The following ZNF33A variants were observed in gnomAD, a reference collection of about 807,000 sequenced individuals.
ZNF33A encodes the protein brain my041 protein.
ZNF33A carries 9 observed loss-of-function variants against 15.9 expected under a neutral mutation model. That is an observed-to-expected ratio of 0.57 (90% CI 0.34 to 0.99). ZNF33A has a LOEUF of 0.99. Ranked by LOEUF, ZNF33A falls within the 50% of genes least tolerant of loss-of-function variation. The probability of loss-of-function intolerance (pLI) is 0.02; values close to 1 mark genes in which losing one functional copy is unlikely to be tolerated. For missense variants in ZNF33A, 843 were observed against 941.6 expected, an observed-to-expected ratio of 0.90 and a Z score of 1.37; for synonymous variants, 294 against 324.2, an observed-to-expected ratio of 0.91 and a Z score of 1.00.
intron 1 of ZNF33A, 73 bp from the exon 2 acceptor site, chr10:38,012,225 T>C (rs2064217576): frequency 6.6e-7 from 1 of 1,518,016 alleles, no homozygotes; most frequent in Admixed American, 1.9e-5. Flanking sequence ...TATGGCTTCT[T>C]AGGGCGGAAG....
intron 4 of ZNF33A, among the ~76,000 whole-genome samples, chr10:38,042,712 A>T (rs374325845): frequency 2.6e-5 from 4 of 152,198 alleles, no homozygotes; most frequent in African/African-American, 9.6e-5. Context: ...CACTGTGCCC[A>T]GCTTATTAAA....
rs1441466654 is a variant in ZNF33A at position 38,026,420 on chromosome 10, C to T, written c.250+9034C>T. 5.3e-5 allele frequency among the ~76,000 whole-genome samples: 8 copies of T among 152,270 alleles called. No homozygotes were observed. In the South Asian group the frequency reaches 8.3e-4, roughly 16 times the overall value. On this transcript the variant is annotated intron_variant, in intron 4 of 4. Coordinates refer to ENST00000432900, the MANE Select transcript of ZNF33A (RefSeq NM_006954.2). The stretch of plus-strand genomic sequence containing the variant: ...TGCGATCTCGGCTCACCACAACCTC[C>T]GCCTCCTGGGTTCAAGTGATTCTTC...
intron 4 of ZNF33A, among the ~76,000 whole-genome samples, chr10:38,053,415 CTCT>C (rs559587651): frequency 5.3e-4 from 80 of 152,126 alleles, no homozygotes; most frequent in Admixed American, 2.2e-3. Context: ...TTCCAGTATC[CTCT>C]TCTTCTTATA....
chr10:38,044,122 T>C (rs560405668), intron 4 of ZNF33A: 14 of 152,128 alleles, frequency 9.2e-5, no homozygotes, highest in Admixed American at 2.6e-4. Context: ...TATTTCTCTC[T>C]GTTCTTTAGA....
chr10:38,064,217 T>C (rs922870679), downstream of ZNF33A: 1 of 1,122,038 alleles, frequency 8.9e-7, no homozygotes, highest in Non-Finnish European at 1.3e-6. Context: ...TCCCACAAGA[T>C]GGGGATGGTG....
intron 4 of ZNF33A, among the ~76,000 whole-genome samples, chr10:38,026,485 C>T (rs534637319): frequency 3.3e-5 from 5 of 152,138 alleles, no homozygotes; most frequent in Admixed American, 2.6e-4. Flanking sequence ...CAGGCACATG[C>T]CACCATGCCT....
intron 4 of ZNF33A, among the ~76,000 whole-genome samples, chr10:38,046,147 A>G (rs1349212204): frequency 6.6e-5 from 10 of 152,142 alleles, no homozygotes; most frequent in Non-Finnish European, 1.2e-4. Flanking sequence ...CTTTTCTAGA[A>G]TTTGAAGCTG....
rs894729990 is a variant in ZNF33A, at chr10:38,015,911, G to A, written c.10-960G>A. The A allele has an allele frequency of 7.9e-6, 8 of 1,007,180 alleles. No homozygotes were observed. In the African/African-American group the frequency reaches 1.3e-4, roughly 17 times the overall value. The allele number at this position is 1,007,180 out of a possible 1,614,324, so 62.4% of individuals were successfully genotyped here. On this transcript the variant is annotated intron_variant, in intron 2 of 4. Transcript: ENST00000432900. ...GAATTGGTTCTGTAAACGAAACCTG[G>A]TCCTGTAATTTCAGTATATGCTCAT...
At chr10:38,014,248 C>T (rs1236539928) in intron 2 of ZNF33A, among the ~76,000 whole-genome samples, 1 of 151,976 alleles carries the variant, frequency 6.6e-6, no homozygotes, top group African/African-American at 2.4e-5. Flanking sequence ...CTTGGCCAGG[C>T]TGGTCTCAAA....
intron 4 of ZNF33A, among the ~76,000 whole-genome samples, chr10:38,026,390 A>C (rs1204495604): frequency 2.0e-5 from 3 of 152,188 alleles, no homozygotes; most frequent in African/African-American, 7.2e-5. Context: ...ACTGGAGTGC[A>C]GTGGTGCGAT....
chr10:38,028,470 A>ATT (rs140172399), intron 4 of ZNF33A, among the ~76,000 whole-genome samples: 55 of 136,924 alleles, frequency 4.0e-4, no homozygotes, highest in Non-Finnish European at 5.7e-4. Flanking sequence ...TGTTTTGTTG[A>ATT]TTTTTTTTTT....
At chr10:38,049,236 G>T (rs1479084631) in intron 4 of ZNF33A, among the ~76,000 whole-genome samples, 1 of 152,080 alleles carries the variant, frequency 6.6e-6, no homozygotes, top group Non-Finnish European at 1.5e-5. Context: ...TTGGGTTAAT[G>T]AAAACAGAAT....
intron 4 of ZNF33A, among the ~76,000 whole-genome samples, chr10:38,023,112 A>G (rs2064828965): frequency 6.6e-6 from 1 of 151,992 alleles, no homozygotes; most frequent in South Asian, 2.1e-4. Context: ...CACTCGGCTA[A>G]TTTCTGTATT....
rs778690228 is a variant in ZNF33A at position 38,056,183 on chromosome 10, C to T, written c.2059C>T (p.His687Tyr). 6.2e-6 allele frequency: 10 copies of T among 1,614,002 alleles called. No individual in the cohort carries two copies. Among genetic ancestry groups the T allele is most frequent in the African/African-American group, 4.0e-5 (3 of 74,934 alleles). Residue 687 changes from histidine to tyrosine, a missense_variant, in exon 5 of 5, where the codon CAC becomes TAC. Physicochemically the swap from His to Tyr is moderately conservative, Grantham distance 83. Transcript: ENST00000432900. ...AGGACTTATTTTCCATGAGAGAAAG[C>T]ACACGGGGGAGAAACCCTATGAATG... is the stretch of plus-strand genomic sequence containing the variant. ...KSGLIFHERK[H>Y]TGEKPYECNE... is the part of the protein sequence containing the mutation.
chr10:38,065,803 C>A (rs1175050466), downstream of ZNF33A, among the ~76,000 whole-genome samples: 1 of 151,836 alleles, frequency 6.6e-6, no homozygotes, highest in Non-Finnish European at 1.5e-5. Context: ...CTCCGCCAAC[C>A]GGGTTCAAGC....
intron 4 of ZNF33A, among the ~76,000 whole-genome samples, chr10:38,031,788 C>T (rs1459141260): frequency 6.6e-6 from 1 of 151,262 alleles, no homozygotes; most frequent in Non-Finnish European, 1.5e-5. Flanking sequence ...CATGGTGAAA[C>T]CCCATCTCTA....
Position 38,056,124 on chromosome 10 carries a change from G to A in ZNF33A, c.2000G>A (p.Cys667Tyr). 4 of 1,614,030 alleles carry A rather than the reference G, an allele frequency of 2.5e-6. No homozygotes were observed. The highest frequency in any genetic ancestry group is 3.4e-6 in the Non-Finnish European group (4 of 1,179,982). ...CATACACAAGAAAAGCCCTATAAAT[G>A]TAATGAATGTGGAAAATCTTTCTGT... ...RTHTQEKPYK[C>Y]NECGKSFCVK... Residue 667 changes from cysteine to tyrosine, a missense_variant, in exon 5 of 5, where the codon TGT becomes TAT. Coordinates refer to ENST00000432900, the MANE Select transcript of ZNF33A (RefSeq NM_006954.2).
In ZNF33A at chr10:38,017,369, C is replaced by G. The variant is rs1184195874; in HGVS notation, c.233C>G (p.Pro78Arg). 1 of 1,613,744 alleles carries G rather than the reference C, an allele frequency of 6.2e-7. No homozygotes were observed. Among genetic ancestry groups the G allele is most frequent in the Admixed American group, 1.7e-5 (1 of 60,012 alleles). ...EEPWKQEEEF[P>R]SQSFPEVWTA... ...CCATGGAAACAGGAGGAAGAATTCC[C>G]AAGCCAAAGCTTTCCAGGTGAGTTA... The change falls in exon 4 of 5, where the codon CCA (proline) becomes CGA (arginine). Residue 78 changes from proline (P) to arginine (R), a missense_variant. Physicochemically the swap from Pro to Arg is moderately radical, Grantham distance 103. Coordinates refer to ENST00000432900, the MANE Select transcript of ZNF33A (RefSeq NM_006954.2).
downstream of ZNF33A, among the ~76,000 whole-genome samples, chr10:38,060,268 C>T (rs1171064967): frequency 6.6e-6 from 1 of 152,182 alleles, no homozygotes; most frequent in Non-Finnish European, 1.5e-5. Flanking sequence ...GACCTAACCT[C>T]ATTTCCATCC....
Sources: allele counts gnomAD v4.1 joint callset (sites outside exome capture counted in the v4.1 genomes callset), GRCh38; gene constraint gnomAD v4.1.1; transcripts MANE v1.5; gene names NCBI Gene and HGNC (gene_info 2026-07-23, HGNC 2026-07-21).